CDH18: variants seen among roughly 807,000 people sequenced by gnomAD.
CDH18 encodes the protein cadherin-18.
A neutral mutation model predicts 67.9 loss-of-function variants in CDH18; 31 were observed. The ratio of observed to expected loss-of-function variants is 0.46; its 90% CI spans 0.34 to 0.62. The LOEUF is 0.62. Among genes scored for constraint, CDH18 ranks in the 20% least tolerant of loss-of-function variants. The pLI is 0.01. For synonymous variants in CDH18, 362 were observed against 347.2 expected, an observed-to-expected ratio of 1.04 and a Z score of -0.48; for missense variants, 890 against 975.5, an observed-to-expected ratio of 0.91 and a Z score of 1.17.
intron 8 of CDH18, among the ~76,000 whole-genome samples, chr5:19,571,322 C>A (rs1207099058): frequency 6.6e-6 from 1 of 152,120 alleles, no homozygotes; most frequent in African/African-American, 2.4e-5. Flanking sequence ...ATCAATTACG[C>A]TCACATCCAT....
chr5:20,528,068 T>C (rs1756175706), intron 1 of CDH18, among the ~76,000 whole-genome samples: 1 of 151,872 alleles, frequency 6.6e-6, no homozygotes, highest in African/African-American at 2.4e-5. Context: ...TGGAGGAAAA[T>C]TTACCAAGCA....
chr5:20,059,537 A>T (rs1580146911), intron 2 of CDH18, among the ~76,000 whole-genome samples: 3 of 152,154 alleles, frequency 2.0e-5, no homozygotes, highest in Admixed American at 2.0e-4. Context: ...CTTTGTTCTC[A>T]TTGGTTTGAC....
chr5:19,765,085 C>A (rs774557289), intron 3 of CDH18, among the ~76,000 whole-genome samples: 1 of 152,172 alleles, frequency 6.6e-6, no homozygotes, highest in Non-Finnish European at 1.5e-5. Context: ...CATTTCTATA[C>A]CTTTATTCAG....
chr5:20,296,614 A>G (rs1179650023), intron 1 of CDH18, among the ~76,000 whole-genome samples: 1 of 152,016 alleles, frequency 6.6e-6, no homozygotes, highest in Non-Finnish European at 1.5e-5. Flanking sequence ...AAAGCAATCA[A>G]TTTCTTTTAC....
In CDH18 at chr5:19,987,010, C is replaced by T. The variant is rs955334140; in HGVS notation, c.-376+1076G>A. The stretch of plus-strand genomic sequence containing the variant: ...CAAAATCTTCCTCTGATCTGTCTCT[C>T]GGCTCAAAGCAGTGATGCCATCACC... On this transcript the variant is annotated intron_variant, in intron 1 of 12. Transcript: ENST00000382275. Among the ~76,000 whole-genome samples the T allele has an allele frequency of 9.2e-5, 14 of 152,240 alleles. No individual in the cohort carries two copies. In the East Asian group the frequency reaches 2.1e-3, roughly 23 times the overall value.
chr5:20,238,166 C>T (rs1050754376), intron 2 of CDH18, among the ~76,000 whole-genome samples: 3 of 151,918 alleles, frequency 2.0e-5, no homozygotes, highest in Non-Finnish European at 4.4e-5. Context: ...TACGTCAACC[C>T]TCCCACAATA....
At chr5:19,719,957 G>GAAAGAAAC (rs869259013) in intron 5 of CDH18, among the ~76,000 whole-genome samples, 1 of 149,400 alleles carries the variant, frequency 6.7e-6, no homozygotes, top group East Asian at 1.9e-4. Context: ...AAGAAAGAAA[G>GAAAGAAAC]AAGGAAAGAG....
chr5:19,667,991 C>T (rs1758201913), intron 5 of CDH18, among the ~76,000 whole-genome samples: 1 of 151,762 alleles, frequency 6.6e-6, no homozygotes, highest in African/African-American at 2.4e-5. Context: ...TTAGTTTAAC[C>T]AATAATAATA....
chr5:19,788,581 A>C (rs796110478), intron 3 of CDH18, among the ~76,000 whole-genome samples: 43 of 152,288 alleles, frequency 2.8e-4, no homozygotes, highest in African/African-American at 1.0e-3. Flanking sequence ...GATCCATCTC[A>C]TATGTCCTAT....
At chr5:19,931,947 T>C (rs1471911373) in intron 2 of CDH18, among the ~76,000 whole-genome samples, 1 of 151,788 alleles carries the variant, frequency 6.6e-6, no homozygotes, top group Non-Finnish European at 1.5e-5. Flanking sequence ...CTCTATCCTA[T>C]GCCACCTCTC....
intron 2 of CDH18, among the ~76,000 whole-genome samples, chr5:20,025,766 G>A (rs940649727): frequency 2.0e-5 from 3 of 152,274 alleles, no homozygotes; most frequent in African/African-American, 7.2e-5. Flanking sequence ...CAGTTCAGGT[G>A]TTCCTCATTG....
chr5:20,376,221 G>A (rs1463418022), intron 1 of CDH18, among the ~76,000 whole-genome samples: 2 of 149,562 alleles, frequency 1.3e-5, no homozygotes, highest in Admixed American at 1.3e-4. Flanking sequence ...AGCCTCCCGA[G>A]TAGCTGGGAC....
At chr5:20,395,103 G>T (rs1189346947) in intron 1 of CDH18, among the ~76,000 whole-genome samples, 1 of 152,200 alleles carries the variant, frequency 6.6e-6, no homozygotes, top group Middle Eastern at 3.4e-3. Flanking sequence ...TCTACCCAAA[G>T]GAAAATAAGT....
At chr5:19,551,532 A>G (rs572978458) in intron 8 of CDH18, among the ~76,000 whole-genome samples, 1 of 152,100 alleles carries the variant, frequency 6.6e-6, no homozygotes, top group South Asian at 2.1e-4. Context: ...CCATTTACAT[A>G]ATAATTTTCT....
intron 2 of CDH18, among the ~76,000 whole-genome samples, chr5:20,016,828 A>T (rs1580045542): frequency 6.6e-6 from 1 of 152,208 alleles, no homozygotes; most frequent in Non-Finnish European, 1.5e-5. Flanking sequence ...GTCACTATGG[A>T]TCACGGCCTT....
At chr5:19,699,634 G>GTGTC (rs1554007633) in intron 5 of CDH18, among the ~76,000 whole-genome samples, 2,076 of 132,812 alleles carry the variant, frequency 0.016, 34 homozygotes, top group East Asian at 0.07. Context: ...GTGTGTGTGT[G>GTGTC]TGTGTGTCTG....
chr5:19,704,882 A>G (rs746798794), intron 5 of CDH18, among the ~76,000 whole-genome samples: 2 of 152,162 alleles, frequency 1.3e-5, no homozygotes, highest in Non-Finnish European at 2.9e-5. Flanking sequence ...CATTACAGCC[A>G]GGATTGCCTT....
At chr5:19,749,243 A>G (rs1282139131) in intron 3 of CDH18, among the ~76,000 whole-genome samples, 1 of 151,916 alleles carries the variant, frequency 6.6e-6, no homozygotes, top group Non-Finnish European at 1.5e-5. Context: ...TCATTTACCA[A>G]ATGTTTCTAA....
intron 3 of CDH18, among the ~76,000 whole-genome samples, chr5:19,812,050 T>A (rs529209114): frequency 6.6e-6 from 1 of 152,238 alleles, no homozygotes; most frequent in East Asian, 1.9e-4. Context: ...TGGAAAGTAC[T>A]TTATAAAACA....
Sources: allele counts gnomAD v4.1 joint callset (sites outside exome capture counted in the v4.1 genomes callset), GRCh38; gene constraint gnomAD v4.1.1; transcripts MANE v1.5; gene names NCBI Gene and HGNC (gene_info 2026-07-23, HGNC 2026-07-21).